ANO7: variants seen among roughly 807,000 people sequenced by gnomAD.
The protein encoded by ANO7 is anoctamin 7, also known as anoctamin-7.
Under a neutral mutation model 115.8 loss-of-function variants are expected in ANO7, and 114 were observed. The ratio of observed to expected loss-of-function variants is 0.98; its 90% confidence interval spans 0.85 to 1.15. The LOEUF is 1.15. Among genes scored for constraint, ANO7 ranks in the 50% most tolerant of loss-of-function variants. The pLI, the probability that ANO7 is intolerant of heterozygous loss-of-function variation, is 0.00. For missense variants in ANO7, 1,302 were observed against 1,201.2 expected (o/e 1.08, Z -1.24); for synonymous variants, 550 against 498.2 (o/e 1.10, Z -1.38).
chr2:241,203,887 G>T lies in ANO7; in HGVS notation c.889+389G>T, dbSNP rs6760613. Among the ~76,000 whole-genome samples the T allele has an allele frequency of 4.0e-5, 6 of 151,868 alleles. No individual in the cohort carries two copies. The highest frequency in any genetic ancestry group is 2.1e-4 in the South Asian group (1 of 4,796). ...CTCATCTCCTCCAAGCAGGCCATCT[G>T]CCCCAGGCAACCCCAGAGCTGTTCC... On this transcript the variant is annotated intron_variant, in intron 9 of 24. Coordinates refer to ENST00000674324, the MANE Select transcript of ANO7 (RefSeq NM_001370694.2). The surrounding 1 kb of genome is among the most constrained non-coding windows in gnomAD (Gnocchi z 4.8).
intron 3 of ANO7, among the ~76,000 whole-genome samples, chr2:241,195,127 A>C (rs1574759183): frequency 6.6e-6 from 1 of 152,102 alleles, no homozygotes; most frequent in South Asian, 2.1e-4. Context: ...AGCAGCACCT[A>C]ATTCAAATGC....
Position 241,217,864 on chromosome 2 carries a change from C to T in ANO7, c.2151C>T (p.Gly717=), listed in dbSNP as rs1261695662. The T allele has an allele frequency of 1.3e-6, 2 of 1,596,992 alleles. No homozygotes were observed. The highest frequency in any genetic ancestry group is 4.5e-5 in the East Asian group (2 of 44,386). The change falls in exon 20 of 25, where the codon GGC becomes GGT. Residue 717 remains glycine, a synonymous_variant. Coordinates refer to ENST00000674324, the MANE Select transcript of ANO7 (RefSeq NM_001370694.2). ...DIGIWFHILA[G]LTHLAVISNA... is the part of the protein sequence containing the mutation. ...GCATCTGGTTCCACATCCTGGCGGG[C>T]CTCACGCACCTGGCGGTCATCAGCA...
chr2:241,233,709 C>G, the ANO7 span: 1 of 1,214,836 alleles, frequency 8.2e-7, no homozygotes, highest in African/African-American at 1.5e-5. The surrounding 1 kb of genome is among the most constrained non-coding windows in gnomAD (Gnocchi z 4.3). Flanking sequence ...ACTTGCCACT[C>G]TCAACTTGGC....
In ANO7 at chr2:241,200,184, C is replaced by G. The variant is rs1245273144; in HGVS notation, c.513C>G (p.Pro171=). ...VLLEVVPDVP[P]EYYSCRFRVN... ...TGGAGGTTGTGCCAGACGTACCCCC[C>G]GAGTACTACTCCTGCCGGTTCAGAG... Residue 171 remains proline, a synonymous_variant, in exon 6 of 25, where the codon CCC becomes CCG. Transcript: ENST00000674324. 6.2e-7 allele frequency: 1 copy of G among 1,613,056 alleles called. No homozygotes were observed. Among genetic ancestry groups the G allele is most frequent in the African/African-American group, 1.3e-5 (1 of 74,928 alleles).
downstream of ANO7, chr2:241,230,419 C>T (rs1197440152): frequency 3.2e-6 from 2 of 621,048 alleles, no homozygotes; most frequent in African/African-American, 3.7e-5. This position sits in a 1 kb window ranked among gnomAD's most constrained non-coding sequence, Gnocchi z 5.0. Flanking sequence ...AGCCTCATCA[C>T]CACACCAAGT....
At chr2:241,200,569 C>T (rs1223431393) in intron 6 of ANO7, among the ~76,000 whole-genome samples, 1 of 152,198 alleles carries the variant, frequency 6.6e-6, no homozygotes, top group Non-Finnish European at 1.5e-5. Flanking sequence ...CTCGTCACAG[C>T]GTCCCCAACT....
chr2:241,209,755 A>G, intron 13 of ANO7, 120 bp downstream of exon 13: 1 of 1,340,918 alleles, frequency 7.5e-7, no homozygotes, highest in Non-Finnish European at 9.8e-7. Context: ...CAGAACCCTC[A>G]CTCCCCGCAG....
At chr2:241,200,639 G>A (rs181406942) in intron 6 of ANO7, among the ~76,000 whole-genome samples, 11 of 152,354 alleles carry the variant, frequency 7.2e-5, no homozygotes, top group Non-Finnish European at 1.5e-4. Flanking sequence ...GAAACGACAC[G>A]TGTGTCGTCC....
At chr2:241,191,272 G>A (rs1442670037) in intron 3 of ANO7, 21 bp downstream of exon 3, 1 of 1,613,138 alleles carries the variant, frequency 6.2e-7, no homozygotes, top group South Asian at 1.1e-5. Context: ...CCCAGCACCT[G>A]TACCACACCC....
chr2:241,218,971 G>A (rs561047535), intron 21 of ANO7, among the ~76,000 whole-genome samples: 4 of 152,226 alleles, frequency 2.6e-5, no homozygotes, highest in Admixed American at 2.6e-4. Context: ...CCAGGGCCAG[G>A]TGGTGGCGCC....
intron 11 of ANO7, 80 bp downstream of exon 11, chr2:241,207,750 C>A: frequency 7.8e-7 from 1 of 1,283,484 alleles, no homozygotes; most frequent in Non-Finnish European, 1.1e-6. Context: ...GGTCCTGACT[C>A]TGCCTGCACC....
chr2:241,235,328 C>T, the ANO7 span: 14 of 1,601,022 alleles, frequency 8.7e-6, no homozygotes, highest in Non-Finnish European at 1.2e-5. Context: ...CCCTGGGACC[C>T]AGAAGTGGTG....
chr2:241,233,973 A>G, the ANO7 span: 1 of 1,613,992 alleles, frequency 6.2e-7, no homozygotes, highest in African/African-American at 1.3e-5. The surrounding 1 kb of genome is among the most constrained non-coding windows in gnomAD (Gnocchi z 4.3). Flanking sequence ...CCTACAAATG[A>G]AAGGAGCAAG....
the ANO7 span, chr2:241,238,937 C>T: frequency 1.8e-5 from 11 of 595,204 alleles, no homozygotes; most frequent in East Asian, 8.8e-5. The surrounding 1 kb of genome is among the most constrained non-coding windows in gnomAD (Gnocchi z 4.9). Context: ...GGGCTCCAGG[C>T]GCAGGGAGGA....
the ANO7 span, chr2:241,236,844 C>T: frequency 1.3e-6 from 2 of 1,490,234 alleles, no homozygotes; most frequent in African/African-American, 1.4e-5. Flanking sequence ...ATGCATATGT[C>T]TGTGAGGCAC....
At position 241,198,481 on chromosome 2, in the gene ANO7, AG is replaced by A. The variant is rs1559441675; in HGVS notation, c.310-829del. Among the ~76,000 whole-genome samples, 9 of 152,232 alleles carry A rather than the reference AG, an allele frequency of 5.9e-5. 1 individual carries two copies. The South Asian group carries it at 1.9e-3, about 31-fold the overall frequency. ...GCAGGTTTGCCCTTTAGTTGAGGGCAGGGGGGACTACTGCAGGGGACGCCGG... is the reference window on the plus strand; with the variant it reads ...GCAGGTTTGCCCTTTAGTTGAGGGCAGGGGGACTACTGCAGGGGACGCCGG... On this transcript the variant is annotated intron_variant, in intron 4 of 24. Transcript: ENST00000674324.
At chr2:241,215,729 T>G (rs1473001943) in intron 18 of ANO7, among the ~76,000 whole-genome samples, 1 of 152,226 alleles carries the variant, frequency 6.6e-6, no homozygotes, top group East Asian at 1.9e-4. Flanking sequence ...CCACATCTGC[T>G]TTCCCTGGGA....
intron 23 of ANO7, 44 bp downstream of exon 23, chr2:241,223,825 C>T: frequency 6.2e-7 from 1 of 1,614,192 alleles, no homozygotes; most frequent in Non-Finnish European, 8.5e-7. Flanking sequence ...CAGCCCTCTC[C>T]CTATCCTTGT....
the ANO7 span, among the ~76,000 whole-genome samples, chr2:241,232,146 G>C: frequency 6.6e-6 from 1 of 152,212 alleles, no homozygotes. Context: ...CCACCCGCGT[G>C]CTGCCAGGTA....
Sources: gnomAD v4.1 joint callset for allele counts (sites outside exome capture counted in the v4.1 genomes callset) on GRCh38, gnomAD v4.1.1 for gene constraint, Gnocchi (gnomAD v3.1) non-coding constraint, MANE v1.5 for transcripts, NCBI Gene and HGNC (gene_info 2026-07-23, HGNC 2026-07-21) for gene names.